Variants in TTC38 observed in about 807,000 individuals in gnomAD.
TTC38 encodes the protein tetratricopeptide repeat domain 38, also known as tetratricopeptide repeat protein 38.
In TTC38, 64 loss-of-function variants were observed where a neutral mutation model predicts 64.2. That is an observed-to-expected ratio of 1.00 (90% CI 0.81 to 1.23). The LOEUF is 1.23. Among genes scored for constraint, TTC38 ranks in the 50% most tolerant of loss-of-function variants. The pLI is 0.00. For synonymous variants in TTC38, 254 were observed against 249.3 expected, an observed-to-expected ratio of 1.02 and a Z score of -0.18; for missense variants, 573 against 615.5, an observed-to-expected ratio of 0.93 and a Z score of 0.73.
At chr22:46,268,620 C>T in intron 2 of TTC38, 29 bp downstream of exon 2, 1 of 1,609,224 alleles carries the variant, frequency 6.2e-7, no homozygotes, top group Non-Finnish European at 8.5e-7. Context: ...GCCGCGGCCC[C>T]TTCTGTGGAG....
chr22:46,278,667 T>G lies in TTC38; in HGVS notation c.615+6T>G, dbSNP rs200370824. 3.1e-6 allele frequency: 5 copies of G among 1,613,730 alleles called. No individual in the cohort carries two copies. The East Asian group carries it at 1.1e-4, about 36-fold the overall frequency. On this transcript the variant is annotated splice_donor_region_variant and intron_variant, in intron 6 of 13. Transcript: ENST00000381031. ...CAGAAAAACTCGCCAAAGAGGTAAG[T>G]GGGTCCTTCCTAAGGTGCCTGACCC...
intron 8 of TTC38, among the ~76,000 whole-genome samples, chr22:46,284,868 C>CAA (rs130641): frequency 1.2e-3 from 90 of 75,174 alleles, no homozygotes; most frequent in African/African-American, 1.6e-3. Flanking sequence ...GACCCCATCT[C>CAA]AAAAAAAAAA....
chr22:46,288,609 G>A lies in TTC38; in HGVS notation c.1082+21G>A, dbSNP rs201300757. ...AGCGAGTATGCAGAGGGGCCTTCTC[G>A]GGGTGGGGGTCCTCACCCTGCCGAG... On this transcript the variant is annotated intron_variant, in intron 11 of 13. Coordinates refer to ENST00000381031, the MANE Select transcript of TTC38 (RefSeq NM_017931.4). 1,044 of 1,610,454 alleles carry A rather than the reference G, an allele frequency of 6.5e-4. 4 individuals are homozygous for A. The African/African-American group carries it at 9.5e-3, about 15-fold the overall frequency.
Position 46,272,299 on chromosome 22 carries a change from G to A in TTC38, c.112-36G>A. The A allele has an allele frequency of 6.4e-7, 1 of 1,556,972 alleles. No homozygotes were observed. The highest frequency in any genetic ancestry group is 1.7e-5 in the Admixed American group (1 of 59,762). ...CCACCTTTGTTAGAATGATCCAAGG[G>A]CTCCGTGAGGACTTGTTTTGCTTTT... On this transcript the variant is annotated intron_variant, in intron 2 of 13. Coordinates refer to ENST00000381031, the MANE Select transcript of TTC38 (RefSeq NM_017931.4). The surrounding 1 kb of genome is among the most constrained non-coding windows in gnomAD (Gnocchi z 6.4).
Position 46,292,204 on chromosome 22 carries a change from G to A in TTC38, c.1317-587G>A, listed in dbSNP as rs1452935751. 2.3e-6 allele frequency: 1 copy of A among 442,904 alleles called. No individual in the cohort carries two copies. The highest frequency in any genetic ancestry group is 7.0e-5 in the East Asian group (1 of 14,204). 27.4% of individuals were successfully genotyped at this position (442,904 alleles called of 1,614,324 possible). A position where few individuals can be genotyped will look rare whatever the true frequency, so the allele number is the denominator to read the frequency against. ...TTTTAAATTTTTTTATATTTTTAGA[G>A]GCAAGGTCTCACTCGGTCATCCAGG... On this transcript the variant is annotated intron_variant, in intron 13 of 13. Transcript: ENST00000381031. The surrounding 1 kb of genome is among the most constrained non-coding windows in gnomAD (Gnocchi z 6.5).
intron 11 of TTC38, among the ~76,000 whole-genome samples, chr22:46,288,854 C>T (rs543518750): frequency 3.9e-5 from 6 of 152,222 alleles, no homozygotes; most frequent in African/African-American, 1.4e-4. Flanking sequence ...ATGAGATCCG[C>T]AGGGTCACAG....
chr22:46,269,063 C>T (rs1176912253), intron 2 of TTC38: 9 of 389,674 alleles, frequency 2.3e-5, no homozygotes, highest in African/African-American at 5.1e-5. Context: ...TACTGGAGGA[C>T]GTGGGAGGGT....
In TTC38 at chr22:46,271,224, TTTC is replaced by T. The variant is rs1936888808; in HGVS notation, c.112-1108_112-1106del. On this transcript the variant is annotated intron_variant, in intron 2 of 13. Coordinates refer to ENST00000381031, the MANE Select transcript of TTC38 (RefSeq NM_017931.4). This position sits in a 1 kb window ranked among gnomAD's most constrained non-coding sequence, Gnocchi z 5.5. ...GTCACCTGTCAGGAGGAACCTGCCT[TTTC>T]TTTCTTTTCTTTTTTCTTTTTTTTC... Among the ~76,000 whole-genome samples, 1 of 152,052 alleles carries T rather than the reference TTTC, an allele frequency of 6.6e-6. No homozygotes were observed. The highest frequency in any genetic ancestry group is 2.4e-5 in the African/African-American group (1 of 41,418).
chr22:46,293,658 A>G lies in TTC38; in HGVS notation c.*774A>G, dbSNP rs1193348819. The G allele has an allele frequency of 6.6e-6, 1 of 152,210 alleles. No homozygotes were observed. Among genetic ancestry groups the G allele is most frequent in the Non-Finnish European group, 1.5e-5 (1 of 68,054 alleles). 9.4% of individuals were successfully genotyped at this position (152,210 alleles called of 1,614,324 possible). ...ATGCACTTCTGAGGTGCAAGGATTGAGCTCAGAGCTGCTCTGTTGTGGCAA... is the reference window on the plus strand; with the variant it reads ...ATGCACTTCTGAGGTGCAAGGATTGGGCTCAGAGCTGCTCTGTTGTGGCAA... On this transcript the variant is annotated 3_prime_UTR_variant, in exon 14 of 14. Transcript: ENST00000381031. This position sits in a 1 kb window ranked among gnomAD's most constrained non-coding sequence, Gnocchi z 6.6.
rs1248011603 is a variant in TTC38 at position 46,272,424 on chromosome 22, A to T, written c.193+8A>T. 6.2e-7 allele frequency: 1 copy of T among 1,611,188 alleles called. No individual in the cohort carries two copies. The highest frequency in any genetic ancestry group is 8.5e-7 in the Non-Finnish European group (1 of 1,177,684). On this transcript the variant is annotated splice_region_variant and intron_variant, in intron 3 of 13. Coordinates refer to ENST00000381031, the MANE Select transcript of TTC38 (RefSeq NM_017931.4). The surrounding 1 kb of genome is among the most constrained non-coding windows in gnomAD (Gnocchi z 6.4). ...CAGCAGATCCAACCTTTGGTGAGTAACGCCTTCCCTGGGTGGAGGAGCCCC... is the reference window on the plus strand; with the variant it reads ...CAGCAGATCCAACCTTTGGTGAGTATCGCCTTCCCTGGGTGGAGGAGCCCC...
intron 6 of TTC38, among the ~76,000 whole-genome samples, 190 bp downstream of exon 6, chr22:46,278,851 G>GC (rs1016945719): frequency 2.0e-5 from 3 of 152,244 alleles, no homozygotes; most frequent in Admixed American, 1.3e-4. Flanking sequence ...TTCACCTGTG[G>GC]CCCCCCCAAA....
At chr22:46,279,571 G>T (rs1464461076) in intron 6 of TTC38, among the ~76,000 whole-genome samples, 3 of 152,216 alleles carry the variant, frequency 2.0e-5, no homozygotes, top group Non-Finnish European at 4.4e-5. Flanking sequence ...CCTGGCTGGG[G>T]TTCTTCCCCC....
Position 46,285,292 on chromosome 22 carries a change from C to G in TTC38, c.834+13C>G. 1.9e-6 allele frequency: 3 copies of G among 1,613,956 alleles called. No homozygotes were observed. The highest frequency in any genetic ancestry group is 2.2e-5 in the South Asian group (2 of 91,078). Reference sequence around the variant, plus strand: ...CTACGATACCCACGTAAGTTGCATTCACACCGTGTTTGGTTTGTTGCAGCA... The same window carrying G: ...CTACGATACCCACGTAAGTTGCATTGACACCGTGTTTGGTTTGTTGCAGCA... On this transcript the variant is annotated intron_variant, in intron 9 of 13. Transcript: ENST00000381031.
At position 46,274,425 on chromosome 22, in the gene TTC38, A is replaced by G. The variant is rs995498472; in HGVS notation, c.365+356A>G. 6.6e-6 allele frequency among the ~76,000 whole-genome samples: 1 copy of G among 152,208 alleles called. No individual in the cohort carries two copies. The highest frequency in any genetic ancestry group is 1.5e-5 in the Non-Finnish European group (1 of 68,040). ...TGCTTCTTCTAGTGAGAAATAAACA[A>G]TCAAATCAAATCTTCACCCATAAGT... On this transcript the variant is annotated intron_variant, in intron 4 of 13. Coordinates refer to ENST00000381031, the MANE Select transcript of TTC38 (RefSeq NM_017931.4). The surrounding 1 kb of genome is among the most constrained non-coding windows in gnomAD (Gnocchi z 4.8).
Position 46,272,417 on chromosome 22 carries a change from G to A in TTC38, c.193+1G>A, listed in dbSNP as rs372059190. 1 of 1,612,912 alleles carries A rather than the reference G, an allele frequency of 6.2e-7. No homozygotes were observed. Among genetic ancestry groups the A allele is most frequent in the Non-Finnish European group, 8.5e-7 (1 of 1,179,062 alleles). On this transcript the variant is annotated splice_donor_variant, in intron 3 of 13. Coordinates refer to ENST00000381031, the MANE Select transcript of TTC38 (RefSeq NM_017931.4). LOFTEE classifies it high-confidence loss of function. The surrounding 1 kb of genome is among the most constrained non-coding windows in gnomAD (Gnocchi z 6.4). ...CTCAAAGCAGCAGATCCAACCTTTG[G>A]TGAGTAACGCCTTCCCTGGGTGGAG...
intron 7 of TTC38, 36 bp from the exon 8 acceptor site, chr22:46,283,937 A>G (rs774844922): frequency 6.7e-7 from 1 of 1,500,700 alleles, no homozygotes; most frequent in East Asian, 2.4e-5. Context: ...AGGCCTTCAG[A>G]CTTTTCATAA....
chr22:46,292,424 T>C lies in TTC38; in HGVS notation c.1317-367T>C, dbSNP rs6008553. 21,329 of 308,170 alleles carry C rather than the reference T, an allele frequency of 0.069. 2,238 individuals carry two copies. Among genetic ancestry groups the C allele is most frequent in the African/African-American group, 0.3 (13,915 of 46,944 alleles). 19.1% of individuals were successfully genotyped at this position (308,170 alleles called of 1,614,324 possible). A position where few individuals can be genotyped will look rare whatever the true frequency, so the allele number is the denominator to read the frequency against. On this transcript the variant is annotated intron_variant, in intron 13 of 13. Coordinates refer to ENST00000381031, the MANE Select transcript of TTC38 (RefSeq NM_017931.4). This position sits in a 1 kb window ranked among gnomAD's most constrained non-coding sequence, Gnocchi z 6.5. The stretch of plus-strand genomic sequence containing the variant: ...TAATCACCTCCAAGAGGCCCTGTTC[T>C]TAATACCATCACCTTGGGCATTTGG...
rs11556946 is a variant in TTC38 at position 46,281,622 on chromosome 22, C to G, written c.639C>G (p.Asp213Glu). The G allele has an allele frequency of 2.7e-5, 44 of 1,614,042 alleles. No individual in the cohort carries two copies. The highest frequency in any genetic ancestry group is 6.7e-5 in the Admixed American group (4 of 60,002). Residue 213 changes from aspartate to glutamate, a missense_variant, in exon 7 of 14, where the codon GAC becomes GAG. Transcript: ENST00000381031. This position sits in a 1 kb window ranked among gnomAD's most constrained non-coding sequence, Gnocchi z 5.2. ...AKEALSINPT[D>E]AWSVHTVAHI... The stretch of plus-strand genomic sequence containing the variant: ...AGGCTTTATCTATTAACCCGACAGA[C>G]GCATGGTCGGTGCACACCGTCGCTC...
chr22:46,288,376 C>A, intron 10 of TTC38, 47 bp from the exon 11 acceptor site: 3 of 1,580,306 alleles, frequency 1.9e-6, no homozygotes, highest in Non-Finnish European at 2.6e-6. Context: ...ACGGGACATG[C>A]CCCAGAGCCT....
Sources: gnomAD v4.1 joint callset for allele counts (sites outside exome capture counted in the v4.1 genomes callset) on GRCh38, gnomAD v4.1.1 for gene constraint, Gnocchi (gnomAD v3.1) non-coding constraint, MANE v1.5 for transcripts, NCBI Gene and HGNC (gene_info 2026-07-23, HGNC 2026-07-21) for gene names.